KCNT2: variants seen among roughly 807,000 people sequenced by gnomAD.
The protein encoded by KCNT2 is potassium channel subfamily T member 2.
In KCNT2, 67 loss-of-function variants were observed where a neutral mutation model predicts 153.8. The observed-to-expected ratio is 0.44, with a 90% CI of 0.36 to 0.53. The LOEUF (loss-of-function observed/expected upper bound fraction) is 0.53. Among genes scored for constraint, KCNT2 ranks in the 20% least tolerant of loss-of-function variants. The probability of loss-of-function intolerance (pLI) is 0.00; values close to 1 mark genes in which losing one functional copy is unlikely to be tolerated. For missense variants in KCNT2, 975 were observed against 1,354.8 expected (o/e 0.72, Z 4.40); for synonymous variants, 500 against 458.8 (o/e 1.09, Z -1.15).
In KCNT2 at chr1:196,274,869, A is replaced by G. The variant is rs944434166; in HGVS notation, c.2910+5991T>C. On this transcript the variant is annotated intron_variant, in intron 25 of 27. Transcript: ENST00000294725. ...GCACACTGGAAAACTGGAGGCAAAC[A>G]TAGGTCTACCTTTTCTTAACCAAAG... Among the ~76,000 whole-genome samples the G allele has an allele frequency of 1.4e-4, 22 of 152,000 alleles. 1 individual carries two copies. Among genetic ancestry groups the G allele is most frequent in the Non-Finnish European group, 2.9e-4 (20 of 67,838 alleles).
At chr1:196,295,244 CT>C (rs1660572767) in intron 22 of KCNT2, among the ~76,000 whole-genome samples, 1 of 151,668 alleles carries the variant, frequency 6.6e-6, no homozygotes, top group African/African-American at 2.4e-5. Context: ...AACATTTGTA[CT>C]TTTTAAAATG....
chr1:196,536,999 G>A (rs1049499200), intron 1 of KCNT2, among the ~76,000 whole-genome samples: 4 of 152,126 alleles, frequency 2.6e-5, no homozygotes, highest in African/African-American at 9.7e-5. Context: ...ATAGCCTACT[G>A]GTATTCCCAG....
intron 1 of KCNT2, among the ~76,000 whole-genome samples, chr1:196,593,328 A>G (rs2149007951): frequency 6.7e-6 from 1 of 148,818 alleles, no homozygotes; most frequent in East Asian, 2.0e-4. Context: ...ACACACACAC[A>G]CACACACACA....
intron 12 of KCNT2, among the ~76,000 whole-genome samples, chr1:196,407,303 G>T (rs1310938001): frequency 1.3e-5 from 2 of 151,360 alleles, no homozygotes; most frequent in African/African-American, 2.4e-5. Flanking sequence ...AAAGAGGTCA[G>T]GTTATCTTGA....
intron 1 of KCNT2, among the ~76,000 whole-genome samples, chr1:196,556,127 G>A (rs141934942): frequency 7.9e-5 from 12 of 151,366 alleles, no homozygotes; most frequent in African/African-American, 2.9e-4. Flanking sequence ...ACAAGCACAG[G>A]CAACCAAGCA....
At chr1:196,446,650 G>T (rs919544210) in intron 8 of KCNT2, among the ~76,000 whole-genome samples, 1 of 151,430 alleles carries the variant, frequency 6.6e-6, no homozygotes, top group Non-Finnish European at 1.5e-5. Flanking sequence ...CTTCATTTTT[G>T]AGATATATCA....
intron 15 of KCNT2, among the ~76,000 whole-genome samples, chr1:196,341,608 A>C (rs1342034247): frequency 1.3e-5 from 2 of 151,784 alleles, no homozygotes; most frequent in African/African-American, 4.8e-5. Flanking sequence ...TTTTCCAAAA[A>C]GGAAAAGAAA....
chr1:196,518,908 T>A (rs1411313771), intron 1 of KCNT2, among the ~76,000 whole-genome samples: 2 of 151,976 alleles, frequency 1.3e-5, no homozygotes, highest in Non-Finnish European at 2.9e-5. Flanking sequence ...ACAAGGACAT[T>A]CAGGACCTGA....
chr1:196,572,697 G>C (rs1660919646), intron 1 of KCNT2, among the ~76,000 whole-genome samples: 1 of 152,060 alleles, frequency 6.6e-6, no homozygotes, highest in Admixed American at 6.6e-5. Flanking sequence ...GATGCATTTA[G>C]ATAGTAGGTT....
intron 1 of KCNT2, among the ~76,000 whole-genome samples, chr1:196,510,142 G>C (rs1681491190): frequency 6.6e-6 from 1 of 152,062 alleles, no homozygotes; most frequent in Non-Finnish European, 1.5e-5. Context: ...AGAACAAAGG[G>C]AGCAAGTCAG....
intron 1 of KCNT2, among the ~76,000 whole-genome samples, chr1:196,524,872 T>TA (rs35988040): frequency 6.6e-6 from 1 of 152,164 alleles, no homozygotes; most frequent in Non-Finnish European, 1.5e-5. Flanking sequence ...TCTTCTAGCT[T>TA]AAAAAATATT....
At chr1:196,298,067 T>C (rs1363862365) in intron 22 of KCNT2, among the ~76,000 whole-genome samples, 1 of 152,206 alleles carries the variant, frequency 6.6e-6, no homozygotes, top group Non-Finnish European at 1.5e-5. Context: ...TCCCAGAAGA[T>C]ATCTCCAATC....
intron 13 of KCNT2, 30 bp downstream of exon 13, chr1:196,398,533 C>G: frequency 8.0e-7 from 1 of 1,253,130 alleles, no homozygotes. Flanking sequence ...TCAGGAAATT[C>G]AATGGATCTC....
intron 1 of KCNT2, among the ~76,000 whole-genome samples, chr1:196,574,279 G>A (rs1302431826): frequency 6.6e-6 from 1 of 151,694 alleles, no homozygotes; most frequent in Non-Finnish European, 1.5e-5. Context: ...CAACTTAAGA[G>A]TCTATCTTCA....
chr1:196,488,934 G>A (rs953549059), intron 3 of KCNT2, among the ~76,000 whole-genome samples: 21 of 152,098 alleles, frequency 1.4e-4, no homozygotes, highest in African/African-American at 4.6e-4. Context: ...GCACCCAGAA[G>A]ATACTCCTAA....
intron 14 of KCNT2, 75 bp from the exon 15 acceptor site, chr1:196,342,303 T>TA: frequency 8.4e-6 from 11 of 1,312,068 alleles, no homozygotes; most frequent in Non-Finnish European, 1.2e-5. Flanking sequence ...ACAGTTGTTA[T>TA]AGAACTGTTT....
Position 196,331,281 on chromosome 1 carries a change from A to G in KCNT2, c.1998-20T>C. 2 of 1,263,110 alleles carry G rather than the reference A, an allele frequency of 1.6e-6. No homozygotes were observed. The highest frequency in any genetic ancestry group is 1.9e-4 in the Middle Eastern group (1 of 5,390). The allele number at this position is 1,263,110 out of a possible 1,614,324, so 78.2% of individuals were successfully genotyped here. ...GCATACCTGTAAAATAATACAAAATATTACCCTTGGATAAGGCATGCAAAT... is the reference window on the plus strand; with the variant it reads ...GCATACCTGTAAAATAATACAAAATGTTACCCTTGGATAAGGCATGCAAAT... On this transcript the variant is annotated intron_variant, in intron 17 of 27. Transcript: ENST00000294725.
At chr1:196,433,769 T>C (rs1674366990) in intron 8 of KCNT2, among the ~76,000 whole-genome samples, 1 of 152,024 alleles carries the variant, frequency 6.6e-6, no homozygotes, top group African/African-American at 2.4e-5. Flanking sequence ...TCCTTATTTG[T>C]CTAAGTTATG....
intron 25 of KCNT2, among the ~76,000 whole-genome samples, chr1:196,265,723 C>A (rs1407017497): frequency 6.6e-6 from 1 of 151,992 alleles, no homozygotes; most frequent in Non-Finnish European, 1.5e-5. Flanking sequence ...ATGTGTCCAC[C>A]CCAAAAAATG....
Sources: allele counts gnomAD v4.1 joint callset (sites outside exome capture counted in the v4.1 genomes callset), GRCh38; gene constraint gnomAD v4.1.1; transcripts MANE v1.5; gene names NCBI Gene and HGNC (gene_info 2026-07-23, HGNC 2026-07-21).